Variants in MEIS2 observed in about 807,000 individuals in gnomAD.
MEIS2 encodes the protein homeobox protein Meis2.
In MEIS2, 9 loss-of-function variants were observed where a neutral mutation model predicts 58.6. That is an observed-to-expected ratio of 0.15 (90% CI 0.09 to 0.27). MEIS2 has a LOEUF of 0.27. Among genes scored for constraint, MEIS2 ranks in the 10% least tolerant of loss-of-function variants. The pLI is 1.00. For missense variants in MEIS2, 427 were observed against 635.0 expected (o/e 0.67, Z 3.52); for synonymous variants, 221 against 228.4 (o/e 0.97, Z 0.29).
At chr15:37,012,165 T>C (rs1386096557) in intron 8 of MEIS2, among the ~76,000 whole-genome samples, 1 of 152,180 alleles carries the variant, frequency 6.6e-6, no homozygotes, top group African/African-American at 2.4e-5. Flanking sequence ...TAACAACCTC[T>C]ACGGATGCAT....
chr15:37,090,098 C>T (rs535248015), intron 6 of MEIS2, among the ~76,000 whole-genome samples: 3 of 151,932 alleles, frequency 2.0e-5, no homozygotes, highest in South Asian at 2.1e-4. Flanking sequence ...CTATTTCCTT[C>T]GACTATTATA....
At chr15:37,064,455 G>A (rs1311609037) in intron 7 of MEIS2, among the ~76,000 whole-genome samples, 1 of 151,698 alleles carries the variant, frequency 6.6e-6, no homozygotes, top group Admixed American at 6.6e-5. Context: ...AAATAAAAAG[G>A]ACATTATGAA....
intron 9 of MEIS2, among the ~76,000 whole-genome samples, chr15:36,906,651 G>GAAAAAAAAAAAAAAAA (rs56715244): frequency 2.1e-5 from 2 of 96,554 alleles, no homozygotes; most frequent in Non-Finnish European, 4.2e-5. Flanking sequence ...AGCCACTCAA[G>GAAAAAAAAAAAAAAAA]AAAAAAAAAA....
chr15:37,070,965 C>T (rs1035577540), intron 7 of MEIS2, among the ~76,000 whole-genome samples: 1 of 152,016 alleles, frequency 6.6e-6, no homozygotes, highest in African/African-American at 2.4e-5. Flanking sequence ...TACGGGTCTG[C>T]TATTTTGACC....
At chr15:36,939,423 A>G (rs968777183) in intron 9 of MEIS2, among the ~76,000 whole-genome samples, 1 of 152,002 alleles carries the variant, frequency 6.6e-6, no homozygotes, top group African/African-American at 2.4e-5. Flanking sequence ...AACACAACCT[A>G]CTTTTATTCT....
At chr15:36,917,456 T>C (rs1217389430) in intron 9 of MEIS2, among the ~76,000 whole-genome samples, 1 of 151,070 alleles carries the variant, frequency 6.6e-6, no homozygotes, top group Admixed American at 6.6e-5. Flanking sequence ...AAGCCTTTAC[T>C]CTGAACCTGA....
intron 8 of MEIS2, among the ~76,000 whole-genome samples, chr15:36,973,729 A>G (rs2059647338): frequency 6.6e-6 from 1 of 152,192 alleles, no homozygotes; most frequent in African/African-American, 2.4e-5. Flanking sequence ...AAGTTAAAAT[A>G]TTAACACTAA....
intron 2 of MEIS2, among the ~76,000 whole-genome samples, chr15:37,096,931 CT>C (rs1339181463): frequency 6.6e-6 from 1 of 152,210 alleles, no homozygotes; most frequent in Non-Finnish European, 1.5e-5. Flanking sequence ...CGGAGTGACA[CT>C]TCATAAATGC....
intron 8 of MEIS2, among the ~76,000 whole-genome samples, chr15:37,035,406 T>C: frequency 6.6e-6 from 1 of 152,206 alleles, no homozygotes; most frequent in Non-Finnish European, 1.5e-5. Flanking sequence ...ATAAAAGTGA[T>C]TAAATACTCC....
intron 8 of MEIS2, among the ~76,000 whole-genome samples, chr15:36,976,966 A>G (rs7165936): frequency 0.24 from 36,213 of 152,030 alleles, 4,943 homozygotes; most frequent in Non-Finnish European, 0.31. Flanking sequence ...TCTACTAAAA[A>G]TACAAAAAAA....
intron 8 of MEIS2, among the ~76,000 whole-genome samples, chr15:36,961,736 G>C (rs1391745578): frequency 6.6e-6 from 1 of 151,882 alleles, no homozygotes; most frequent in South Asian, 2.1e-4. Context: ...TACTATATTT[G>C]CTTCTATTCA....
At chr15:37,074,135 T>C (rs1184901106) in intron 7 of MEIS2, among the ~76,000 whole-genome samples, 1 of 152,026 alleles carries the variant, frequency 6.6e-6, no homozygotes, top group Non-Finnish European at 1.5e-5. Context: ...GAGTGAGTTC[T>C]AATTAGATAA....
At chr15:36,964,673 G>A (rs1472760993) in intron 8 of MEIS2, among the ~76,000 whole-genome samples, 4 of 152,164 alleles carry the variant, frequency 2.6e-5, no homozygotes, top group African/African-American at 9.7e-5. Context: ...CTGGGCAGAA[G>A]TACATGACTG....
At chr15:36,944,355 C>T (rs1326221839) in intron 9 of MEIS2, among the ~76,000 whole-genome samples, 1 of 151,944 alleles carries the variant, frequency 6.6e-6, no homozygotes. Flanking sequence ...ATTATATGAC[C>T]ATGGAGACAG....
intron 8 of MEIS2, among the ~76,000 whole-genome samples, chr15:36,969,692 T>C (rs2059467923): frequency 6.6e-6 from 1 of 152,244 alleles, no homozygotes; most frequent in Non-Finnish European, 1.5e-5. Flanking sequence ...AACCAGTATA[T>C]GTACACAGGA....
chr15:36,977,967 A>G (rs537273544), intron 8 of MEIS2, among the ~76,000 whole-genome samples: 2 of 152,280 alleles, frequency 1.3e-5, no homozygotes, highest in Non-Finnish European at 2.9e-5. Flanking sequence ...AAATTACCCA[A>G]TTGAAAACTT....
chr15:36,996,491 T>G (rs2141580859), intron 8 of MEIS2, among the ~76,000 whole-genome samples: 1 of 152,350 alleles, frequency 6.6e-6, no homozygotes, highest in Middle Eastern at 3.4e-3. Flanking sequence ...CAAACACTGC[T>G]TGAATTTCTG....
chr15:36,978,887 T>C (rs1012700951), intron 8 of MEIS2, among the ~76,000 whole-genome samples: 2 of 152,246 alleles, frequency 1.3e-5, no homozygotes, highest in African/African-American at 4.8e-5. Flanking sequence ...CTGCTTTCAA[T>C]GTTATGGCTA....
chr15:37,100,310 T>G lies in MEIS2; in HGVS notation c.-844A>C, dbSNP rs1347517971. On this transcript the variant is annotated 5_prime_UTR_variant, in exon 1 of 12. Coordinates refer to ENST00000561208, the MANE Select transcript of MEIS2 (RefSeq NM_170675.5). ...CTCGCTCTCTCGCGCTCGCTCTCTC[T>G]CGCTCTCTTTCTCTCTCTGGGAGAT... is the stretch of plus-strand genomic sequence containing the variant. 6.6e-6 allele frequency: 1 copy of G among 152,458 alleles called. No homozygotes were observed. The highest frequency in any genetic ancestry group is 1.5e-5 in the Non-Finnish European group (1 of 68,066). 9.4% of individuals were successfully genotyped at this position (152,458 alleles called of 1,614,324 possible).
Sources: allele counts gnomAD v4.1 joint callset (sites outside exome capture counted in the v4.1 genomes callset), GRCh38; gene constraint gnomAD v4.1.1; transcripts MANE v1.5; gene names NCBI Gene and HGNC (gene_info 2026-07-23, HGNC 2026-07-21).